The following TMEM178B variants were observed in gnomAD, a reference collection of about 807,000 sequenced individuals.
The protein encoded by TMEM178B is transmembrane protein 178B.
In TMEM178B, 5 loss-of-function variants were observed where a neutral mutation model predicts 31.0. The observed-to-expected ratio is 0.16, with a 90% CI of 0.08 to 0.34. The LOEUF (loss-of-function observed/expected upper bound fraction) is 0.34. Among genes scored for constraint, TMEM178B ranks in the 10% least tolerant of loss-of-function variants. The pLI is 1.00. For synonymous variants in TMEM178B, 164 were observed against 164.0 expected (o/e 1.00, Z 0.00); for missense variants, 275 against 400.3 (o/e 0.69, Z 2.67).
chr7:141,359,691 C>G (rs987930270), intron 2 of TMEM178B, among the ~76,000 whole-genome samples: 11 of 152,178 alleles, frequency 7.2e-5, no homozygotes, highest in African/African-American at 2.7e-4. Context: ...TATGAGTAGA[C>G]TACATTTTTT....
intron 2 of TMEM178B, among the ~76,000 whole-genome samples, chr7:141,286,876 T>C (rs1480843844): frequency 6.6e-6 from 1 of 152,206 alleles, no homozygotes; most frequent in Non-Finnish European, 1.5e-5. Context: ...ATGACATTTA[T>C]TCAAATTTGA....
intron 2 of TMEM178B, among the ~76,000 whole-genome samples, chr7:141,356,167 C>G (rs1799814747): frequency 6.6e-6 from 1 of 152,092 alleles, no homozygotes; most frequent in African/African-American, 2.4e-5. Context: ...GTGAATAGTG[C>G]TGTGATGAAC....
At chr7:141,491,412 T>C in the TMEM178B span, among the ~76,000 whole-genome samples, 1 of 152,234 alleles carries the variant, frequency 6.6e-6, no homozygotes, top group South Asian at 2.1e-4. Flanking sequence ...TAAACATCTT[T>C]AAATTTACCT....
intron 2 of TMEM178B, among the ~76,000 whole-genome samples, chr7:141,302,304 G>A (rs2116443301): frequency 6.6e-6 from 1 of 152,282 alleles, no homozygotes; most frequent in Non-Finnish European, 1.5e-5. Flanking sequence ...TGAACCTTGA[G>A]GACATGATGC....
chr7:141,346,138 G>A (rs754595011), intron 2 of TMEM178B, among the ~76,000 whole-genome samples: 62 of 151,860 alleles, frequency 4.1e-4, no homozygotes, highest in Non-Finnish European at 7.9e-4. Context: ...GGAGAATAGC[G>A]AGAACCCAGG....
rs542699347 is a variant in TMEM178B, at chr7:141,298,625, A to G, written c.496+85921A>G. ...TTCTCATCTCACTAATCTGGAATGT[A>G]TGGGATCAGAGTAGAGATTGGCCTG... On this transcript the variant is annotated intron_variant, in intron 2 of 3. Coordinates refer to ENST00000565468, the MANE Select transcript of TMEM178B (RefSeq NM_001195278.2). Among the ~76,000 whole-genome samples, 45 of 152,328 alleles carry G rather than the reference A, an allele frequency of 3.0e-4. No individual in the cohort carries two copies. In the South Asian group the frequency reaches 7.3e-3, roughly 25 times the overall value.
chr7:141,409,702 A>T (rs1800946051), intron 2 of TMEM178B, among the ~76,000 whole-genome samples: 1 of 151,778 alleles, frequency 6.6e-6, no homozygotes, highest in South Asian at 2.1e-4. Context: ...ACGCAAACAC[A>T]AGTGCTTGTC....
At chr7:141,280,520 G>A (rs1303221065) in intron 2 of TMEM178B, among the ~76,000 whole-genome samples, 1 of 152,128 alleles carries the variant, frequency 6.6e-6, no homozygotes, top group Non-Finnish European at 1.5e-5. Flanking sequence ...TGTGAGACGT[G>A]CCTTTCACCT....
chr7:141,301,588 G>C (rs371533497), intron 2 of TMEM178B, among the ~76,000 whole-genome samples: 1 of 152,152 alleles, frequency 6.6e-6, no homozygotes, highest in Non-Finnish European at 1.5e-5. Context: ...GATCGTTCCT[G>C]TTGTGCCTGG....
intron 2 of TMEM178B, among the ~76,000 whole-genome samples, chr7:141,221,942 A>G (rs1346348088): frequency 6.6e-6 from 1 of 152,248 alleles, no homozygotes; most frequent in Non-Finnish European, 1.5e-5. Context: ...CTACTGAGTC[A>G]GAATCTCTAA....
chr7:141,475,104 C>G lies in TMEM178B; in HGVS notation c.*4318C>G, dbSNP rs575550262. On this transcript the variant is annotated 3_prime_UTR_variant, in exon 4 of 4. Coordinates refer to ENST00000565468, the MANE Select transcript of TMEM178B (RefSeq NM_001195278.2). ...TCCATCCCAGGGGACACAGCCAGCC[C>G]TTTCCAGGGAAATACGATGTTTCTG... The G allele has an allele frequency of 6.6e-6, 1 of 152,394 alleles. No homozygotes were observed. The highest frequency in any genetic ancestry group is 6.5e-5 in the Admixed American group (1 of 15,300). The allele number at this position is 152,394 out of a possible 1,614,324, so 9.4% of individuals were successfully genotyped here. A position where few individuals can be genotyped will look rare whatever the true frequency, so the allele number is the denominator to read the frequency against.
At chr7:141,315,428 G>A (rs1278585784) in intron 2 of TMEM178B, among the ~76,000 whole-genome samples, 1 of 151,764 alleles carries the variant, frequency 6.6e-6, no homozygotes, top group Non-Finnish European at 1.5e-5. Flanking sequence ...GGGCAGTCCT[G>A]TCCCACACCT....
intron 2 of TMEM178B, among the ~76,000 whole-genome samples, chr7:141,339,729 A>G (rs563552536): frequency 1.5e-4 from 23 of 152,362 alleles, no homozygotes; most frequent in African/African-American, 5.3e-4. Flanking sequence ...GTGTAGGGAC[A>G]GGCAGTGGAG....
chr7:141,357,642 T>A (rs1799843255), intron 2 of TMEM178B, among the ~76,000 whole-genome samples: 1 of 152,202 alleles, frequency 6.6e-6, no homozygotes, highest in African/African-American at 2.4e-5. Flanking sequence ...ATGTTATAAT[T>A]TTTGCGGGTG....
intron 1 of TMEM178B, among the ~76,000 whole-genome samples, chr7:141,183,016 G>A (rs1390769795): frequency 6.6e-6 from 1 of 152,220 alleles, no homozygotes; most frequent in East Asian, 1.9e-4. Flanking sequence ...AAGTAAGTAT[G>A]TCAAAGTCCT....
intron 2 of TMEM178B, chr7:141,414,775 A>G (rs1437304533): frequency 6.6e-6 from 1 of 152,268 alleles, no homozygotes; most frequent in East Asian, 1.9e-4. Flanking sequence ...TAGTAGTAGC[A>G]TCTGCTTCAC....
At chr7:141,311,156 TG>T (rs1213280809) in intron 2 of TMEM178B, among the ~76,000 whole-genome samples, 7 of 151,874 alleles carry the variant, frequency 4.6e-5, no homozygotes, top group Non-Finnish European at 8.8e-5. Flanking sequence ...TGGGGGATGG[TG>T]GGAGGGAGAG....
At chr7:141,277,641 A>G (rs1798287465) in intron 2 of TMEM178B, among the ~76,000 whole-genome samples, 7 of 152,134 alleles carry the variant, frequency 4.6e-5, no homozygotes, top group Admixed American at 4.6e-4. Context: ...TTTCAGCTCT[A>G]TTGTAAACTC....
At chr7:141,482,386 C>T (rs571844231), downstream of TMEM178B, among the ~76,000 whole-genome samples, 5 of 152,346 alleles carry the variant, frequency 3.3e-5, no homozygotes, top group South Asian at 2.1e-4. Flanking sequence ...TGCTTAGCAC[C>T]TCTGGATGAA....
Sources: gnomAD v4.1 joint callset for allele counts (sites outside exome capture counted in the v4.1 genomes callset) on GRCh38, gnomAD v4.1.1 for gene constraint, MANE v1.5 for transcripts, NCBI Gene and HGNC (gene_info 2026-07-23, HGNC 2026-07-21) for gene names.